Variants in MTRFR observed in about 807,000 individuals in gnomAD.
The protein encoded by MTRFR is probable peptide chain release factor C12orf65, mitochondrial.
Under a neutral mutation model 11.9 loss-of-function variants are expected in MTRFR, and 10 were observed. The observed-to-expected ratio is 0.84, with a 90% CI of 0.52 to 1.42. The LOEUF (loss-of-function observed/expected upper bound fraction) is 1.42. Among genes scored for constraint, MTRFR ranks in the 40% most tolerant of loss-of-function variants. The probability of loss-of-function intolerance (pLI) is 0.00; values close to 1 mark genes in which losing one functional copy is unlikely to be tolerated. For missense variants in MTRFR, 196 were observed against 197.9 expected (o/e 0.99, Z 0.06); for synonymous variants, 77 against 79.1 (o/e 0.97, Z 0.14).
chr12:123,256,565 G>A (rs535152825), intron 2 of MTRFR, among the ~76,000 whole-genome samples: 7 of 152,230 alleles, frequency 4.6e-5, no homozygotes, highest in South Asian at 2.1e-4. Flanking sequence ...GTATGGTGGC[G>A]TGCGCCTATA....
At chr12:123,249,506 C>A (rs2048087869) in intron 1 of MTRFR, 1 of 152,712 alleles carries the variant, frequency 6.5e-6, no homozygotes, top group Non-Finnish European at 1.5e-5. Flanking sequence ...CAAGCACAGC[C>A]CGGGTGAGCT....
At chr12:123,244,960 T>TTTTTTTTTA (rs71085871) in intron 1 of MTRFR, among the ~76,000 whole-genome samples, 1 of 118,422 alleles carries the variant, frequency 8.4e-6, no homozygotes, top group Non-Finnish European at 1.7e-5. Flanking sequence ...TTTTTTTTTT[T>TTTTTTTTTA]AGACAGAGTC....
intron 1 of MTRFR, among the ~76,000 whole-genome samples, chr12:123,242,997 G>C (rs1007579249): frequency 3.1e-4 from 47 of 152,222 alleles, no homozygotes; most frequent in African/African-American, 1.1e-3. Context: ...GGAAAGATAA[G>C]TTTTGGACAT....
intron 1 of MTRFR, 144 bp from the exon 2 acceptor site, chr12:123,253,503 G>A: frequency 1.3e-6 from 1 of 755,268 alleles, no homozygotes; most frequent in Non-Finnish European, 2.2e-6. Flanking sequence ...GCTGAATAAT[G>A]TGTCTCTACT....
chr12:123,243,263 G>A (rs2047973164), intron 1 of MTRFR, among the ~76,000 whole-genome samples: 1 of 150,386 alleles, frequency 6.6e-6, no homozygotes, highest in Non-Finnish European at 1.5e-5. Context: ...GGGCGCAATG[G>A]CTCACGCCTG....
intron 1 of MTRFR, among the ~76,000 whole-genome samples, chr12:123,239,393 A>G (rs1477215213): frequency 7.6e-5 from 9 of 118,514 alleles, no homozygotes; most frequent in Non-Finnish European, 1.8e-4. Context: ...TGTGGGTAGC[A>G]TTAGTTTTGT....
rs57835778 is a variant in MTRFR, at chr12:123,246,318, G to C, written c.-28-7329G>C. Among the ~76,000 whole-genome samples, 40 of 152,284 alleles carry C rather than the reference G, an allele frequency of 2.6e-4. No homozygotes were observed. In the East Asian group the frequency reaches 7.7e-3, roughly 29 times the overall value. ...TCCACACTCCTCGGCCTCCCAAAGT[G>C]CTGAGCCACTGCACCCAGCCTCAGT... On this transcript the variant is annotated intron_variant, in intron 1 of 2. Transcript: ENST00000253233.
Position 123,246,709 on chromosome 12 carries a change from A to ATTTTTTTTT in MTRFR, c.-28-6907_-28-6899dup, listed in dbSNP as rs1157677577. 9.4e-5 allele frequency among the ~76,000 whole-genome samples: 5 copies of ATTTTTTTTT among 53,456 alleles called. 2 individuals are homozygous for ATTTTTTTTT. The highest frequency in any genetic ancestry group is 4.7e-4 in the African/African-American group (5 of 10,638). The allele number at this position is 53,456 out of a possible 152,430, so 35.1% of individuals were successfully genotyped here. A position where few individuals can be genotyped will look rare whatever the true frequency, so the allele number is the denominator to read the frequency against. ...TGAGAGAGTGCTTGATATAATTTCA[A>ATTTTTTTTT]TTTTTTTTTTTTTTTTTTTTTTTTT... On this transcript the variant is annotated intron_variant, in intron 1 of 2. Transcript: ENST00000253233.
At chr12:123,248,664 G>A (rs751315515) in intron 1 of MTRFR, 2 of 152,228 alleles carry the variant, frequency 1.3e-5, no homozygotes, top group African/African-American at 2.4e-5. Flanking sequence ...GTGAGCAGCA[G>A]TAACATTTAC....
At chr12:123,243,590 A>C (rs1008434483) in intron 1 of MTRFR, among the ~76,000 whole-genome samples, 2 of 152,060 alleles carry the variant, frequency 1.3e-5, no homozygotes, top group African/African-American at 4.8e-5. Flanking sequence ...CTGTAGTCCC[A>C]GCTACTCGGG....
intron 1 of MTRFR, among the ~76,000 whole-genome samples, chr12:123,244,877 C>T (rs561944731): frequency 6.7e-5 from 10 of 150,292 alleles, no homozygotes; most frequent in South Asian, 2.1e-4. Context: ...GTGATCTGCC[C>T]GCCTCAGCCT....
intron 1 of MTRFR, among the ~76,000 whole-genome samples, chr12:123,244,690 T>C (rs930156140): frequency 1.3e-5 from 2 of 151,962 alleles, no homozygotes; most frequent in Non-Finnish European, 2.9e-5. Context: ...TGGAGTGCAA[T>C]GGTGTGATTT....
chr12:123,250,557 G>A (rs143672143), intron 1 of MTRFR: 64 of 152,326 alleles, frequency 4.2e-4, no homozygotes, highest in African/African-American at 1.5e-3. Context: ...TTCTCTTCAT[G>A]TAGTACTCTG....
rs751008484 is a variant in MTRFR at position 123,257,011 on chromosome 12, T to G, written c.481T>G (p.Ser161Ala). The change falls in exon 3 of 3, where the codon TCA becomes GCA. Residue 161 changes from serine to alanine, a missense_variant. Coordinates refer to ENST00000253233, the MANE Select transcript of MTRFR (RefSeq NM_152269.5). ...KKKLLKELWE[S>A]SKKVH ...GAAGCTACTTAAAGAACTGTGGGAG[T>G]CAAGTAAAAAGGTCCACTGAGAAAA... 6.2e-6 allele frequency: 10 copies of G among 1,610,634 alleles called. No homozygotes were observed. Among genetic ancestry groups the G allele is most frequent in the Non-Finnish European group, 8.5e-6 (10 of 1,179,100 alleles).
chr12:123,244,669 G>A (rs1205072305), intron 1 of MTRFR, among the ~76,000 whole-genome samples: 1 of 152,026 alleles, frequency 6.6e-6, no homozygotes, highest in African/African-American at 2.4e-5. Context: ...GTCTCGCTCT[G>A]TCACCCAGGC....
chr12:123,247,774 T>C (rs536275864), intron 1 of MTRFR, among the ~76,000 whole-genome samples: 3 of 152,182 alleles, frequency 2.0e-5, no homozygotes, highest in African/African-American at 7.2e-5. Context: ...TGAGACCTCA[T>C]CTCTACTAAA....
At position 123,257,272 on chromosome 12, in the gene MTRFR, T is replaced by C. The variant is rs1052393817; in HGVS notation, c.*241T>C. The C allele has an allele frequency of 2.2e-6, 1 of 454,768 alleles. No homozygotes were observed. The highest frequency in any genetic ancestry group is 3.8e-5 in the Admixed American group (1 of 26,086). 28.2% of individuals were successfully genotyped at this position (454,768 alleles called of 1,614,324 possible). A position where few individuals can be genotyped will look rare whatever the true frequency, so the allele number is the denominator to read the frequency against. ...CCTCACATCTGTAATCCCAGCACTT[T>C]GGGAGGCCGAGGCGGGCGGATCACT... On this transcript the variant is annotated 3_prime_UTR_variant, in exon 3 of 3. Coordinates refer to ENST00000253233, the MANE Select transcript of MTRFR (RefSeq NM_152269.5).
At chr12:123,241,008 C>T (rs1168918173) in intron 1 of MTRFR, among the ~76,000 whole-genome samples, 1 of 152,016 alleles carries the variant, frequency 6.6e-6, no homozygotes, top group Non-Finnish European at 1.5e-5. Flanking sequence ...GCCACCACAC[C>T]CAGCCTCAAA....
At position 123,257,727 on chromosome 12, in the gene MTRFR, G is replaced by GAAAC. The variant is rs1276996111; in HGVS notation, c.*698_*701dup. On this transcript the variant is annotated 3_prime_UTR_variant, in exon 3 of 3. Transcript: ENST00000253233. ...CTAAAAAATAAGATAAAACCATAAA[G>GAAAC]AAACACAGTCAGTACTATACAAGAA... The GAAAC allele has an allele frequency of 2.2e-5, 3 of 138,232 alleles. No individual in the cohort carries two copies. The highest frequency in any genetic ancestry group is 7.9e-5 in the African/African-American group (3 of 37,882). The allele number at this position is 138,232 out of a possible 1,614,324, so 8.6% of individuals were successfully genotyped here.
Sources: gnomAD v4.1 joint callset for allele counts (sites outside exome capture counted in the v4.1 genomes callset) on GRCh38, gnomAD v4.1.1 for gene constraint, MANE v1.5 for transcripts, NCBI Gene and HGNC (gene_info 2026-07-23, HGNC 2026-07-21) for gene names.